Variants in HTR1F observed in about 807,000 individuals in gnomAD.
HTR1F encodes 5-hydroxytryptamine receptor 1F, also known as 5-hydroxytryptamine (serotonin) receptor 1F, G protein-coupled.
In HTR1F, 17 loss-of-function variants were observed where a neutral mutation model predicts 24.0. The observed-to-expected ratio is 0.71, with a 90% CI of 0.48 to 1.06. The LOEUF (loss-of-function observed/expected upper bound fraction) is 1.06, where lower values mean the gene tolerates loss of function less well. Among genes scored for constraint, HTR1F ranks in the 50% least tolerant of loss-of-function variants. The pLI is 0.00. For missense variants in HTR1F, 391 were observed against 427.8 expected (o/e 0.91, Z 0.76); for synonymous variants, 186 against 156.8 (o/e 1.19, Z -1.39).
intron 2 of HTR1F, among the ~76,000 whole-genome samples, chr3:87,910,626 T>C (rs377014497): frequency 4.3e-4 from 66 of 152,198 alleles, no homozygotes; most frequent in African/African-American, 1.4e-3. Flanking sequence ...ATGGATCTTA[T>C]AGACCTCTAC....
chr3:87,974,412 G>A (rs1400657127), intron 2 of HTR1F, among the ~76,000 whole-genome samples: 2 of 151,944 alleles, frequency 1.3e-5, no homozygotes, highest in Admixed American at 6.5e-5. Context: ...GTCTATTTCC[G>A]AGTGCATGTT....
chr3:87,908,149 G>C (rs2107342048), intron 2 of HTR1F, among the ~76,000 whole-genome samples: 1 of 152,004 alleles, frequency 6.6e-6, no homozygotes, highest in African/African-American at 2.4e-5. Context: ...TCCCATCAGA[G>C]ATTTTATTCA....
chr3:87,911,968 A>G (rs1404722074), intron 2 of HTR1F, among the ~76,000 whole-genome samples: 5 of 152,144 alleles, frequency 3.3e-5, no homozygotes, highest in Non-Finnish European at 7.4e-5. Flanking sequence ...ATCATACCGA[A>G]TGGGCAAAAG....
intron 1 of HTR1F, among the ~76,000 whole-genome samples, chr3:87,798,044 G>T (rs1000225760): frequency 1.3e-5 from 2 of 152,178 alleles, no homozygotes; most frequent in Non-Finnish European, 2.9e-5. Flanking sequence ...AAAGCTAAGT[G>T]TGCTTGGGAC....
chr3:87,793,982 A>AGAG (rs71131524), intron 1 of HTR1F, among the ~76,000 whole-genome samples: 5 of 149,220 alleles, frequency 3.4e-5, no homozygotes, highest in Non-Finnish European at 7.4e-5. Context: ...AAAAAAAAAA[A>AGAG]AGAGAGAGAG....
At chr3:87,836,650 A>G (rs1704689094) in intron 2 of HTR1F, among the ~76,000 whole-genome samples, 1 of 152,184 alleles carries the variant, frequency 6.6e-6, no homozygotes, top group East Asian at 1.9e-4. Context: ...GAATGTCCCA[A>G]TCTCAGAAAA....
intron 2 of HTR1F, among the ~76,000 whole-genome samples, chr3:87,843,976 T>C (rs577939815): frequency 3.0e-4 from 45 of 151,190 alleles, no homozygotes; most frequent in African/African-American, 1.0e-3. Flanking sequence ...TGAATAATGC[T>C]GCAATAAACA....
chr3:87,803,683 T>C (rs1022733095), intron 1 of HTR1F, among the ~76,000 whole-genome samples: 1 of 151,784 alleles, frequency 6.6e-6, no homozygotes, highest in Non-Finnish European at 1.5e-5. Context: ...TAAAGCATAA[T>C]AAAAGTCAGA....
At chr3:87,861,140 G>T (rs1371581892) in intron 2 of HTR1F, among the ~76,000 whole-genome samples, 1 of 152,110 alleles carries the variant, frequency 6.6e-6, no homozygotes, top group East Asian at 1.9e-4. Flanking sequence ...CTGGGCCACA[G>T]AGTGAGACCC....
intron 2 of HTR1F, among the ~76,000 whole-genome samples, chr3:87,893,915 C>T (rs1482472749): frequency 6.6e-6 from 1 of 152,124 alleles, no homozygotes; most frequent in Non-Finnish European, 1.5e-5. Context: ...CTTACCTGGT[C>T]AATTTTATCC....
At chr3:87,982,560 T>G (rs1705568258) in intron 2 of HTR1F, among the ~76,000 whole-genome samples, 1 of 152,158 alleles carries the variant, frequency 6.6e-6, no homozygotes, top group Non-Finnish European at 1.5e-5. Context: ...TTAGCTATAA[T>G]CCAGACTACT....
intron 2 of HTR1F, among the ~76,000 whole-genome samples, chr3:87,948,642 A>C (rs2107457316): frequency 6.6e-6 from 1 of 151,972 alleles, no homozygotes; most frequent in East Asian, 1.9e-4. Context: ...ATACCAAAAT[A>C]AGCTAATTTT....
intron 2 of HTR1F, among the ~76,000 whole-genome samples, chr3:87,857,845 T>C (rs996266557): frequency 5.3e-4 from 80 of 152,276 alleles, no homozygotes; most frequent in Non-Finnish European, 8.8e-5. Context: ...AGGTAACATA[T>C]TCACAGGCTC....
chr3:87,991,780 C>A lies in HTR1F; in HGVS notation c.1031C>A (p.Pro344Gln), dbSNP rs1482351126. The A allele has an allele frequency of 1.9e-6, 3 of 1,607,388 alleles. No homozygotes were observed. The South Asian group carries it at 3.3e-5, about 18-fold the overall frequency. ...GGGTATCTCAATTCCCTTATAAATC[C>A]ACTGATTTACACAATCTTTAATGAA... is the stretch of plus-strand genomic sequence containing the variant. ...WLGYLNSLIN[P>Q]LIYTIFNEDF... Residue 344 changes from proline to glutamine, a missense_variant, in exon 3 of 3, where the codon CCA becomes CAA. Physicochemically the swap from Pro to Gln is moderately conservative, Grantham distance 76. Transcript: ENST00000319595.
At chr3:87,911,809 T>G (rs1223500146) in intron 2 of HTR1F, among the ~76,000 whole-genome samples, 1 of 151,954 alleles carries the variant, frequency 6.6e-6, no homozygotes, top group Non-Finnish European at 1.5e-5. Flanking sequence ...GAATTAAAGA[T>G]GAAAACTATG....
chr3:87,959,876 A>C (rs1310381541), intron 2 of HTR1F, among the ~76,000 whole-genome samples: 5 of 151,990 alleles, frequency 3.3e-5, no homozygotes, highest in South Asian at 2.1e-4. Context: ...AAATGAATAC[A>C]AATGTCATTT....
At position 87,870,989 on chromosome 3, in the gene HTR1F, G is replaced by GAAA. The variant is rs35317346; in HGVS notation, c.-43+48877_-43+48879dup. On this transcript the variant is annotated intron_variant, in intron 2 of 2. Coordinates refer to ENST00000319595, the MANE Select transcript of HTR1F (RefSeq NM_001322209.2). ...TACTTTATCAAATACCCAAATCTCA[G>GAAA]AAAAAAAAAAAAAATCACGTGAAGA... Among the ~76,000 whole-genome samples, 364 of 135,146 alleles carry GAAA rather than the reference G, an allele frequency of 2.7e-3. 2 individuals carry two copies. The highest frequency in any genetic ancestry group is 7.5e-3 in the East Asian group (35 of 4,662). 88.7% of individuals were successfully genotyped at this position (135,146 alleles called of 152,430 possible).
At chr3:87,814,919 C>T (rs1704223227) in intron 1 of HTR1F, among the ~76,000 whole-genome samples, 1 of 152,024 alleles carries the variant, frequency 6.6e-6, no homozygotes. Context: ...GAAATGCAGG[C>T]ACCAAAGGAG....
At chr3:87,845,612 T>C (rs1393246482) in intron 2 of HTR1F, among the ~76,000 whole-genome samples, 1 of 151,078 alleles carries the variant, frequency 6.6e-6, no homozygotes, top group Non-Finnish European at 1.5e-5. Flanking sequence ...GAACATTCCA[T>C]GCTCATGGGT....
Sources: gnomAD v4.1 joint callset for allele counts (sites outside exome capture counted in the v4.1 genomes callset) on GRCh38, gnomAD v4.1.1 for gene constraint, MANE v1.5 for transcripts, NCBI Gene and HGNC (gene_info 2026-07-23, HGNC 2026-07-21) for gene names.